Variants in SEMA4D observed in about 807,000 individuals in gnomAD.
SEMA4D encodes the protein semaphorin-4D.
A neutral mutation model predicts 74.8 loss-of-function variants in SEMA4D; 22 were observed. That is an observed-to-expected ratio of 0.29 (90% confidence interval 0.21 to 0.42). The LOEUF (loss-of-function observed/expected upper bound fraction) is 0.42. Among genes scored for constraint, SEMA4D ranks in the 10% least tolerant of loss-of-function variants. The pLI, the probability that SEMA4D is intolerant of heterozygous loss-of-function variation, is 1.00. For missense variants in SEMA4D, 937 were observed against 1,118.4 expected (o/e 0.84, Z 2.31); for synonymous variants, 445 against 463.7 (o/e 0.96, Z 0.52).
intron 2 of SEMA4D, among the ~76,000 whole-genome samples, chr9:89,407,450 G>A (rs889263814): frequency 6.6e-6 from 1 of 152,204 alleles, no homozygotes; most frequent in African/African-American, 2.4e-5. Flanking sequence ...CCTAGGCTAT[G>A]AGTCTATGCA....
At chr9:89,383,093 G>A (rs1837548862) in intron 13 of SEMA4D, among the ~76,000 whole-genome samples, 1 of 152,214 alleles carries the variant, frequency 6.6e-6, no homozygotes, top group African/African-American at 2.4e-5. Flanking sequence ...AGGGAAGGAG[G>A]AACTGGTCGT....
At chr9:89,418,406 C>CCA in intron 2 of SEMA4D, 1 of 985,460 alleles carries the variant, frequency 1.0e-6, no homozygotes, top group Non-Finnish European at 1.2e-6. Flanking sequence ...GGTGTACTTT[C>CCA]TTGCACAATA....
At position 89,393,543 on chromosome 9, in the gene SEMA4D, C is replaced by T. The variant is rs1162537343; in HGVS notation, c.508+19G>A. 6.3e-7 allele frequency: 1 copy of T among 1,595,636 alleles called. No individual in the cohort carries two copies. The highest frequency in any genetic ancestry group is 1.3e-5 in the African/African-American group (1 of 74,654). On this transcript the variant is annotated intron_variant, in intron 7 of 15. Coordinates refer to ENST00000422704, the MANE Select transcript of SEMA4D (RefSeq NM_001371194.2). ...CACTGTAATCTTCACGGTGAAGGAACTGGAGGGGCAGGACTCACCAACCAT... is the reference window on the plus strand; with the variant it reads ...CACTGTAATCTTCACGGTGAAGGAATTGGAGGGGCAGGACTCACCAACCAT...
At chr9:89,415,957 T>A (rs763633273) in intron 2 of SEMA4D, among the ~76,000 whole-genome samples, 1 of 152,166 alleles carries the variant, frequency 6.6e-6, no homozygotes. Context: ...CAAAATTACA[T>A]AAAAGACATT....
At chr9:89,408,269 C>T (rs2133846722) in intron 2 of SEMA4D, among the ~76,000 whole-genome samples, 1 of 152,372 alleles carries the variant, frequency 6.6e-6, no homozygotes, top group African/African-American at 2.4e-5. Context: ...CCTGGCCCCA[C>T]AGAACCCACG....
At chr9:89,461,703 T>TTTTCTCTC (rs1564876245) in intron 1 of SEMA4D, among the ~76,000 whole-genome samples, 1 of 122,192 alleles carries the variant, frequency 8.2e-6, no homozygotes, top group African/African-American at 3.3e-5. Flanking sequence ...TTTTTCTCTT[T>TTTTCTCTC]TTTTTTTTTT....
intron 1 of SEMA4D, among the ~76,000 whole-genome samples, chr9:89,461,184 A>C (rs1564873312): frequency 1.3e-5 from 2 of 152,148 alleles, no homozygotes; most frequent in African/African-American, 2.4e-5. Flanking sequence ...TGACCAGAAA[A>C]AATAATTACA....
chr9:89,405,787 A>T, intron 2 of SEMA4D, 88 bp from the exon 3 acceptor site: 1 of 1,300,656 alleles, frequency 7.7e-7, no homozygotes, highest in Non-Finnish European at 9.7e-7. Flanking sequence ...CTTGCCCTGG[A>T]TCCTCACCCG....
chr9:89,373,331 T>G (rs1835366566), downstream of SEMA4D, among the ~76,000 whole-genome samples: 1 of 152,292 alleles, frequency 6.6e-6, no homozygotes, highest in East Asian at 1.9e-4. Flanking sequence ...TCACCTCTCC[T>G]GGATGGCCAA....
At chr9:89,373,580 T>C (rs879753548), downstream of SEMA4D, among the ~76,000 whole-genome samples, 1 of 152,200 alleles carries the variant, frequency 6.6e-6, no homozygotes, top group African/African-American at 2.4e-5. Context: ...ATGCCACGAA[T>C]GTCCTCTTAA....
chr9:89,429,022 G>A (rs951489030), intron 2 of SEMA4D, among the ~76,000 whole-genome samples: 12 of 152,164 alleles, frequency 7.9e-5, no homozygotes, highest in African/African-American at 1.9e-4. Flanking sequence ...CCCCTTCCAC[G>A]CTCACTCCTG....
chr9:89,463,709 GC>G (rs1314103577), intron 1 of SEMA4D, among the ~76,000 whole-genome samples: 19 of 152,214 alleles, frequency 1.2e-4, no homozygotes, highest in Non-Finnish European at 1.9e-4. Flanking sequence ...GCTGAGGCGG[GC>G]ATATCACGAG....
chr9:89,386,606 CAAT>C, intron 12 of SEMA4D, 124 bp from the exon 13 acceptor site: 2 of 618,954 alleles, frequency 3.2e-6, no homozygotes, highest in East Asian at 5.6e-5. Flanking sequence ...ACTTAGAAAA[CAAT>C]GATGATTTCG....
In SEMA4D at chr9:89,363,427, TA is replaced by T. The variant is rs1324419818; in HGVS notation, c.2190+2del. On this transcript the variant is annotated splice_donor_variant, in intron 18 of 18. Transcript: ENST00000339861. LOFTEE classifies it high-confidence loss of function. Reference sequence around the variant, plus strand: ...CTTTCTTTGCCCGGCTGCGGCCACTTACCCACGCCTTCCTCCAGCTCTGCAT... The same window carrying T: ...CTTTCTTTGCCCGGCTGCGGCCACTTCCCACGCCTTCCTCCAGCTCTGCAT... The T allele has an allele frequency of 6.2e-7, 1 of 1,612,402 alleles. No individual in the cohort carries two copies. The highest frequency in any genetic ancestry group is 1.7e-5 in the Admixed American group (1 of 60,008).
At chr9:89,384,905 G>A in intron 13 of SEMA4D, 1 of 985,440 alleles carries the variant, frequency 1.0e-6, no homozygotes, top group Non-Finnish European at 1.2e-6. Flanking sequence ...TGAGGCCCAA[G>A]GAGAAGGCAC....
chr9:89,374,446 G>A (rs1216751315), downstream of SEMA4D, among the ~76,000 whole-genome samples: 7 of 152,210 alleles, frequency 4.6e-5, no homozygotes, highest in South Asian at 2.1e-4. Context: ...TGGCGGGCAG[G>A]GAGAGGCTGC....
At chr9:89,461,762 G>C (rs950266427) in intron 1 of SEMA4D, among the ~76,000 whole-genome samples, 2 of 144,854 alleles carry the variant, frequency 1.4e-5, no homozygotes, top group Non-Finnish European at 3.0e-5. Context: ...GAGTGCAGTG[G>C]TGCGATCTCG....
At chr9:89,434,905 C>A (rs942780548) in intron 2 of SEMA4D, among the ~76,000 whole-genome samples, 2 of 152,220 alleles carry the variant, frequency 1.3e-5, no homozygotes, top group Non-Finnish European at 2.9e-5. Flanking sequence ...CAGCCTTCTA[C>A]AACATGGCCT....
At chr9:89,374,597 T>C (rs1043590240), downstream of SEMA4D, among the ~76,000 whole-genome samples, 4 of 152,182 alleles carry the variant, frequency 2.6e-5, no homozygotes, top group Non-Finnish European at 4.4e-5. Flanking sequence ...ACCAATTCCC[T>C]GTGTTAAATG....
Sources: gnomAD v4.1 joint callset for allele counts (sites outside exome capture counted in the v4.1 genomes callset) on GRCh38, gnomAD v4.1.1 for gene constraint, MANE v1.5 for transcripts, NCBI Gene and HGNC (gene_info 2026-07-23, HGNC 2026-07-21) for gene names.